The following ENO4 variants were observed in gnomAD, a reference collection of about 807,000 sequenced individuals.
ENO4 encodes enolase 4.
A neutral mutation model predicts 63.2 loss-of-function variants in ENO4; 53 were observed. The ratio of observed to expected loss-of-function variants is 0.84; its 90% CI spans 0.67 to 1.05. ENO4 has a LOEUF of 1.05. Ranked by LOEUF, ENO4 falls within the 50% of genes least tolerant of loss-of-function variation. ENO4 has a pLI of 0.00. For synonymous variants in ENO4, 266 were observed against 283.8 expected (o/e 0.94, Z 0.63); for missense variants, 719 against 772.0 (o/e 0.93, Z 0.81).
chr10:116,871,392 A>G (rs1846691724), intron 9 of ENO4, 100 bp downstream of exon 9: 1 of 1,083,436 alleles, frequency 9.2e-7, no homozygotes, highest in Non-Finnish European at 1.3e-6. Flanking sequence ...GTCCAAACAG[A>G]TCTTATTGTT....
At position 116,855,610 on chromosome 10, in the gene ENO4, G is replaced by T. The variant is rs1192047487; in HGVS notation, c.166-13G>T. The T allele has an allele frequency of 6.5e-7, 1 of 1,535,878 alleles. No homozygotes were observed. Among genetic ancestry groups the T allele is most frequent in the South Asian group, 1.2e-5 (1 of 84,048 alleles). Reference sequence around the variant, plus strand: ...TGAACCAGATGATTTTTGTTCTTTTGTGTGTGTTGAAGGCAAACTGCTTTT... The same window carrying T: ...TGAACCAGATGATTTTTGTTCTTTTTTGTGTGTTGAAGGCAAACTGCTTTT... On this transcript the variant is annotated splice_polypyrimidine_tract_variant and intron_variant, in intron 1 of 13. Transcript: ENST00000341276.
chr10:116,899,552 A>C (rs968446742), intron 10 of ENO4, among the ~76,000 whole-genome samples: 4 of 117,580 alleles, frequency 3.4e-5, no homozygotes, highest in African/African-American at 7.0e-5. Context: ...TGTGTGAGAG[A>C]GTGCATGCAT....
chr10:116,871,161 T>G lies in ENO4; in HGVS notation c.1084T>G (p.Leu362Val). 1 of 1,550,514 alleles carries G rather than the reference T, an allele frequency of 6.4e-7. No individual in the cohort carries two copies. The highest frequency in any genetic ancestry group is 8.7e-7 in the Non-Finnish European group (1 of 1,146,976). ...TGGCAAGATGTCTCATCTTGGCTGTTTAACCATTAACTGTGACTCCATAGA... is the reference window on the plus strand; with the variant it reads ...TGGCAAGATGTCTCATCTTGGCTGTGTAACCATTAACTGTGACTCCATAGA... ...ITGKMSHLGCLTINCDSIEQP... is the reference protein window; with the variant it reads ...ITGKMSHLGCVTINCDSIEQP... Residue 362 changes from leucine to valine, a missense_variant, in exon 9 of 14, where the codon TTA (leucine) becomes GTA (valine). Leu to Val is a conservative substitution (Grantham distance 32). Transcript: ENST00000341276.
chr10:116,877,101 T>C (rs1005488419), intron 11 of ENO4, among the ~76,000 whole-genome samples: 6 of 152,064 alleles, frequency 3.9e-5, no homozygotes, highest in Non-Finnish European at 8.8e-5. Context: ...TACAATGTAG[T>C]GTTCAAGCTA....
At chr10:116,868,542 T>G in intron 7 of ENO4, 108 bp from the exon 8 acceptor site, 1 of 867,338 alleles carries the variant, frequency 1.2e-6, no homozygotes, top group Non-Finnish European at 1.9e-6. Flanking sequence ...TGTGCACACG[T>G]GTGTGAGATT....
chr10:116,903,680 A>C (rs1275287341), intron 10 of ENO4, among the ~76,000 whole-genome samples: 1 of 152,160 alleles, frequency 6.6e-6, no homozygotes, highest in Non-Finnish European at 1.5e-5. Flanking sequence ...TTTGCTTCTG[A>C]TCAGCTCTAT....
chr10:116,879,723 C>CTT (rs1846944506), intron 12 of ENO4, 146 bp from the exon 13 acceptor site: 1 of 659,736 alleles, frequency 1.5e-6, no homozygotes, highest in African/African-American at 1.8e-5. Flanking sequence ...AGCTTGTAGG[C>CTT]CACTGTGCTT....
Position 116,849,751 on chromosome 10 carries a change from G to T in ENO4, c.165+20G>T, listed in dbSNP as rs775298055. 4.7e-6 allele frequency: 7 copies of T among 1,487,954 alleles called. No individual in the cohort carries two copies. Among genetic ancestry groups the T allele is most frequent in the African/African-American group, 2.8e-5 (2 of 71,150 alleles). 92.2% of individuals were successfully genotyped at this position (1,487,954 alleles called of 1,614,324 possible). On this transcript the variant is annotated intron_variant, in intron 1 of 13. Coordinates refer to ENST00000341276, the MANE Select transcript of ENO4 (RefSeq NM_001242699.2). ...CACCTGGTAGGGACCTGGGACAAGC[G>T]CTCTCCTCCCGCCAACCCCTCTCCC...
Position 116,895,975 on chromosome 10 carries a change from A to G in ENO4, c.1195-15524A>G, listed in dbSNP as rs988924406. ...CACAGAAGCAAATTCCAAAACCCTC[A>G]ATCCCCAAACTGGAAGCTGGTTCCA... On this transcript the variant is annotated intron_variant, in intron 10 of 10. Coordinates refer to the ENO4 transcript ENST00000369207. Among the ~76,000 whole-genome samples, 5 of 152,284 alleles carry G rather than the reference A, an allele frequency of 3.3e-5. No homozygotes were observed. The South Asian group carries it at 1.0e-3, about 32-fold the overall frequency.
intron 13 of ENO4, 67 bp downstream of exon 13, chr10:116,880,053 G>A: frequency 8.1e-7 from 1 of 1,240,422 alleles, no homozygotes; most frequent in Non-Finnish European, 1.1e-6. Context: ...TGGAAGAGGG[G>A]GAATAGAAGT....
intron 10 of ENO4, chr10:116,901,518 A>G (rs936211939): frequency 2.0e-6 from 2 of 985,356 alleles, no homozygotes; most frequent in Non-Finnish European, 2.4e-6. Flanking sequence ...TTTGTGTAGA[A>G]GAACCTGATT....
chr10:116,868,792 G>A (rs1846612528), intron 8 of ENO4, 86 bp downstream of exon 8: 6 of 1,252,984 alleles, frequency 4.8e-6, no homozygotes, highest in Middle Eastern at 1.8e-4. Flanking sequence ...GTCACTTTTT[G>A]CTCCAAGACC....
chr10:116,881,573 G>C lies in ENO4; in HGVS notation c.1782G>C (p.Glu594Asp), dbSNP rs1299910568. Residue 594 changes from glutamate to aspartate, a missense_variant, in exon 14 of 14, where the codon GAG (glutamate) becomes GAC (aspartate). Transcript: ENST00000341276. ...YFNEEAEKAA[E>D]ALEAAAAREP... Reference sequence around the variant, plus strand: ...ATGAGGAAGCTGAAAAGGCTGCGGAGGCACTTGAGGCTGCTGCGGCTAGGG... The same window carrying C: ...ATGAGGAAGCTGAAAAGGCTGCGGACGCACTTGAGGCTGCTGCGGCTAGGG... 14 of 1,550,194 alleles carry C rather than the reference G, an allele frequency of 9.0e-6. No individual in the cohort carries two copies. Among genetic ancestry groups the C allele is most frequent in the African/African-American group, 1.4e-5 (1 of 73,034 alleles).
Position 116,874,173 on chromosome 10 carries a change from T to C in ENO4, c.1313T>C (p.Ile438Thr), listed in dbSNP as rs998255715. 1.0e-5 allele frequency: 16 copies of C among 1,546,840 alleles called. No individual in the cohort carries two copies. The South Asian group carries it at 1.4e-4, about 14-fold the overall frequency. The part of the protein sequence containing the change: ...VDLINKYPSI[I>T]ALIDPFRKED... ...CTGATCAACAAGTACCCTTCAATTA[T>C]TGCCTTAATTGATCCTTTCAGGAAG... The change falls in exon 10 of 14, where the codon ATT (isoleucine) becomes ACT (threonine). Residue 438 changes from isoleucine to threonine, a missense_variant. This residue lies in a region of ENO4 where 544 missense variants were observed against 583.6 expected (regional missense o/e 0.93). Coordinates refer to ENST00000341276, the MANE Select transcript of ENO4 (RefSeq NM_001242699.2).
At chr10:116,902,264 C>T (rs1431535958) in intron 10 of ENO4, among the ~76,000 whole-genome samples, 1 of 152,106 alleles carries the variant, frequency 6.6e-6, no homozygotes, top group Non-Finnish European at 1.5e-5. Context: ...GTCTTTTCCT[C>T]TCATAGAGTA....
rs966326803 is a variant in ENO4 at position 116,881,774 on chromosome 10, C to T, written c.*105C>T. ...CATGGAGTTTCCTCTTCAACTTCAC[C>T]AACTCTTGTGGTTTTTATTCTTCTA... On this transcript the variant is annotated 3_prime_UTR_variant, in exon 14 of 14. Transcript: ENST00000341276. 2.4e-5 allele frequency: 20 copies of T among 844,444 alleles called. No individual in the cohort carries two copies. The highest frequency in any genetic ancestry group is 2.8e-5 in the Non-Finnish European group (17 of 606,480). 52.3% of individuals were successfully genotyped at this position (844,444 alleles called of 1,614,324 possible).
chr10:116,869,684 G>A (rs890262715), intron 8 of ENO4, among the ~76,000 whole-genome samples: 19 of 152,290 alleles, frequency 1.2e-4, no homozygotes, highest in Non-Finnish European at 2.5e-4. Flanking sequence ...TCAGTGCTGT[G>A]CCTTCATCCC....
intron 10 of ENO4, among the ~76,000 whole-genome samples, chr10:116,891,411 C>G (rs17095413): frequency 0.01 from 1,531 of 152,280 alleles, 14 homozygotes; most frequent in African/African-American, 0.028. Context: ...CTGTGGCAGC[C>G]ATCCAACAAA....
chr10:116,899,454 G>A (rs377316850), intron 10 of ENO4, among the ~76,000 whole-genome samples: 2 of 151,898 alleles, frequency 1.3e-5, no homozygotes, highest in African/African-American at 4.8e-5. Flanking sequence ...AAGTGGTACT[G>A]GGACAAAAAG....
Sources: allele counts gnomAD v4.1 joint callset (sites outside exome capture counted in the v4.1 genomes callset), GRCh38; gene constraint gnomAD v4.1.1; regional missense constraint gnomAD v4.1.1; transcripts MANE v1.5; gene names NCBI Gene and HGNC (gene_info 2026-07-23, HGNC 2026-07-21).